CRYZL1: variants seen among roughly 807,000 people sequenced by gnomAD.
CRYZL1 encodes the protein crystallin zeta like 1.
Under a neutral mutation model 50.6 loss-of-function variants are expected in CRYZL1, and 34 were observed. The observed-to-expected ratio is 0.67, with a 90% CI of 0.51 to 0.89. CRYZL1 has a LOEUF of 0.89. CRYZL1 is among the 40% of genes least tolerant of loss of function. The pLI is 0.00. For synonymous variants in CRYZL1, 125 were observed against 134.3 expected (o/e 0.93, Z 0.48); for missense variants, 354 against 402.3 (o/e 0.88, Z 1.03).
At chr21:33,604,355 CAAAAAAAAAAAAAA>C (rs71194858) in intron 6 of CRYZL1, among the ~76,000 whole-genome samples, 2 of 69,622 alleles carry the variant, frequency 2.9e-5, no homozygotes, top group African/African-American at 1.3e-4. Flanking sequence ...GACTCCGTCT[CAAAAAAAAAAAAAA>C]AAAAAAAAAA....
chr21:33,611,110 C>T (rs951855616), intron 6 of CRYZL1, among the ~76,000 whole-genome samples: 2 of 152,168 alleles, frequency 1.3e-5, no homozygotes, highest in African/African-American at 2.4e-5. Flanking sequence ...ATATTCACAA[C>T]GTACTCGAAA....
At chr21:33,641,356 G>A (rs1295164834) in intron 1 of CRYZL1, 33 of 1,516,802 alleles carry the variant, frequency 2.2e-5, no homozygotes, top group Middle Eastern at 1.7e-4. Context: ...CTAGGAACAA[G>A]AAGCAGAGGA....
intron 4 of CRYZL1, among the ~76,000 whole-genome samples, chr21:33,618,685 T>C (rs2086962950): frequency 6.6e-6 from 1 of 152,214 alleles, no homozygotes; most frequent in South Asian, 2.1e-4. Flanking sequence ...GTCTTTCTTT[T>C]GGAGTTTGCT....
intron 6 of CRYZL1, among the ~76,000 whole-genome samples, chr21:33,604,219 G>T (rs1481495902): frequency 2.6e-5 from 4 of 152,228 alleles, no homozygotes; most frequent in African/African-American, 9.6e-5. Context: ...GCCAGGCGTG[G>T]TGGCGGGCGC....
At chr21:33,617,168 CAT>C (rs2086943902) in intron 4 of CRYZL1, 1 of 154,662 alleles carries the variant, frequency 6.5e-6, no homozygotes, top group African/African-American at 2.4e-5. Context: ...TGGCATGCAC[CAT>C]CATGCCTGGC....
chr21:33,629,497 A>G (rs1217733469), intron 2 of CRYZL1, among the ~76,000 whole-genome samples: 1 of 152,226 alleles, frequency 6.6e-6, no homozygotes, highest in Non-Finnish European at 1.5e-5. Flanking sequence ...TCTTGAGCTC[A>G]GGCAATCCAC....
At chr21:33,610,199 T>A (rs1204499913) in intron 6 of CRYZL1, among the ~76,000 whole-genome samples, 1 of 151,982 alleles carries the variant, frequency 6.6e-6, no homozygotes, top group East Asian at 1.9e-4. Context: ...AGAGTCTTGC[T>A]CTGTTGCCCA....
At position 33,593,038 on chromosome 21, in the gene CRYZL1, C is replaced by T. The variant is rs145776802; in HGVS notation, c.905-1831G>A. 1.5e-4 allele frequency among the ~76,000 whole-genome samples: 22 copies of T among 145,974 alleles called. No individual in the cohort carries two copies. In the East Asian group the frequency reaches 3.2e-3, roughly 21 times the overall value. On this transcript the variant is annotated intron_variant, in intron 11 of 12. Coordinates refer to ENST00000381554, the MANE Select transcript of CRYZL1 (RefSeq NM_145858.3). ...CTTCACTCTAGCCTTGGTGACAGAG[C>T]GAGACTCTATCTCAAAAAAAAAAAA...
At chr21:33,615,070 T>A (rs1260046975) in intron 5 of CRYZL1, among the ~76,000 whole-genome samples, 1 of 152,044 alleles carries the variant, frequency 6.6e-6, no homozygotes, top group East Asian at 1.9e-4. Flanking sequence ...AAAACTTTCT[T>A]ACAAATCTAT....
chr21:33,616,656 G>A, intron 5 of CRYZL1, 50 bp downstream of exon 5: 1 of 1,603,984 alleles, frequency 6.2e-7, no homozygotes, highest in Non-Finnish European at 8.5e-7. Context: ...AAAAAACAGA[G>A]ATGACGGTAA....
At chr21:33,630,052 T>G (rs980148055) in intron 2 of CRYZL1, among the ~76,000 whole-genome samples, 1 of 152,204 alleles carries the variant, frequency 6.6e-6, no homozygotes, top group African/African-American at 2.4e-5. Flanking sequence ...TTACTTATGT[T>G]GAACTATCCT....
rs2087154779 is a variant in CRYZL1 at position 33,632,614 on chromosome 21, G to A, written c.-6-1057C>T. Among the ~76,000 whole-genome samples, 4 of 152,148 alleles carry A rather than the reference G, an allele frequency of 2.6e-5. No homozygotes were observed. In the South Asian group the frequency reaches 6.2e-4, roughly 24 times the overall value. On this transcript the variant is annotated intron_variant, in intron 1 of 12. Transcript: ENST00000381554. ...GCTGGTCTCGAACTCCTGATCTCAGGTGATCCACCCGCCTCGGCCTCCCAA... is the reference window on the plus strand; with the variant it reads ...GCTGGTCTCGAACTCCTGATCTCAGATGATCCACCCGCCTCGGCCTCCCAA...
chr21:33,640,827 G>C (rs964339054), intron 1 of CRYZL1, among the ~76,000 whole-genome samples: 3 of 152,170 alleles, frequency 2.0e-5, no homozygotes, highest in African/African-American at 7.2e-5. Flanking sequence ...ATCAGATTTT[G>C]AAGATTTAAT....
At chr21:33,599,339 T>C in intron 8 of CRYZL1, 91 bp from the exon 9 acceptor site, 4 of 1,519,570 alleles carry the variant, frequency 2.6e-6, no homozygotes, top group Non-Finnish European at 3.6e-6. Context: ...AGCAAATAAA[T>C]ATCTATTCTT....
chr21:33,589,505 G>T lies in CRYZL1; in HGVS notation c.*317C>A. ...CCTGCAACAGCTTTTATCAAGAGTA[G>T]TGTGACTTTTGCTGAAAGCAGCAGT... On this transcript the variant is annotated 3_prime_UTR_variant, in exon 13 of 13. Coordinates refer to ENST00000381554, the MANE Select transcript of CRYZL1 (RefSeq NM_145858.3). 2.2e-6 allele frequency: 1 copy of T among 456,116 alleles called. No homozygotes were observed. 28.3% of individuals were successfully genotyped at this position (456,116 alleles called of 1,614,324 possible). A position where few individuals can be genotyped will look rare whatever the true frequency, so the allele number is the denominator to read the frequency against.
intron 3 of CRYZL1, among the ~76,000 whole-genome samples, chr21:33,623,417 C>T (rs995397603): frequency 5.3e-5 from 8 of 152,068 alleles, no homozygotes; most frequent in African/African-American, 9.7e-5. Context: ...TTCATTCAAC[C>T]GATTTTACTA....
At chr21:33,633,683 G>A (rs983122973) in intron 1 of CRYZL1, 1 of 152,244 alleles carries the variant, frequency 6.6e-6, no homozygotes, top group Non-Finnish European at 1.5e-5. Flanking sequence ...GAAATGCTGG[G>A]ATTACAGGCA....
intron 11 of CRYZL1, among the ~76,000 whole-genome samples, chr21:33,593,051 CAAAA>C (rs766943166): frequency 1.1e-5 from 1 of 93,944 alleles, no homozygotes. Flanking sequence ...GACTCTATCT[CAAAA>C]AAAAAAAAAA....
rs188750338 is a variant in CRYZL1 at position 33,624,948 on chromosome 21, T to C, written c.67-188A>G. ...TAAAAAAATAAAGAAAATTTGGGGG[T>C]ACAATTTTAAAAAAGCTTTTGGATA... is the stretch of plus-strand genomic sequence containing the variant. On this transcript the variant is annotated intron_variant, in intron 2 of 12. Transcript: ENST00000381554. 1.4e-3 allele frequency among the ~76,000 whole-genome samples: 214 copies of C among 152,106 alleles called. 2 individuals carry two copies. The highest frequency in any genetic ancestry group is 4.9e-3 in the African/African-American group (204 of 41,536).
Sources: allele counts gnomAD v4.1 joint callset (sites outside exome capture counted in the v4.1 genomes callset), GRCh38; gene constraint gnomAD v4.1.1; transcripts MANE v1.5; gene names NCBI Gene and HGNC (gene_info 2026-07-23, HGNC 2026-07-21).